Variants in ZNF680 observed in about 807,000 individuals in gnomAD.
ZNF680 encodes zinc finger protein 680, also known as hypothetical protein FLJ90430.
Under a neutral mutation model 12.1 loss-of-function variants are expected in ZNF680, and 6 were observed. The ratio of observed to expected loss-of-function variants is 0.49; its 90% CI spans 0.27 to 0.98. ZNF680 has a LOEUF of 0.98. Ranked by LOEUF, ZNF680 falls within the 50% of genes least tolerant of loss-of-function variation. ZNF680 has a pLI of 0.12. For synonymous variants in ZNF680, 170 were observed against 199.3 expected (o/e 0.85, Z 1.24); for missense variants, 561 against 616.3 (o/e 0.91, Z 0.95).
intron 2 of ZNF680, 152 bp downstream of exon 2, chr7:64,544,154 T>A: frequency 8.2e-7 from 1 of 1,217,624 alleles, no homozygotes; most frequent in Non-Finnish European, 1.1e-6. Flanking sequence ...ACTGAAGGAA[T>A]TTTTTTCTAC....
intron 1 of ZNF680, among the ~76,000 whole-genome samples, chr7:64,562,633 C>A (rs1414113374): frequency 1.3e-5 from 2 of 152,240 alleles, no homozygotes; most frequent in South Asian, 2.1e-4. Flanking sequence ...ATGAACCCTG[C>A]ACCCCGAGTT....
chr7:64,562,992 G>C lies in ZNF680; in HGVS notation c.-38C>G. Reference sequence around the variant, plus strand: ...TCTCCCAATACCTGCAGATAACGGAGTCACAGAGGCTGGGCCTCTAGGAGC... The same window carrying C: ...TCTCCCAATACCTGCAGATAACGGACTCACAGAGGCTGGGCCTCTAGGAGC... On this transcript the variant is annotated 5_prime_UTR_variant, in exon 1 of 4. Coordinates refer to ENST00000309683, the MANE Select transcript of ZNF680 (RefSeq NM_178558.5). 1 of 1,612,404 alleles carries C rather than the reference G, an allele frequency of 6.2e-7. No individual in the cohort carries two copies. The highest frequency in any genetic ancestry group is 1.1e-5 in the South Asian group (1 of 91,038).
the ZNF680 span, chr7:64,501,298 C>A: frequency 9.1e-7 from 1 of 1,093,752 alleles, no homozygotes; most frequent in Non-Finnish European, 1.4e-6. Context: ...GAAACGTCAG[C>A]ATGTTTCAGA....
chr7:64,553,369 T>C (rs1163149893), intron 1 of ZNF680, among the ~76,000 whole-genome samples: 1 of 151,904 alleles, frequency 6.6e-6, no homozygotes, highest in African/African-American at 2.4e-5. Context: ...ATGAGGATAA[T>C]AGCCTTAATA....
chr7:64,503,025 T>A, the ZNF680 span, among the ~76,000 whole-genome samples: 1 of 152,196 alleles, frequency 6.6e-6, no homozygotes, highest in Non-Finnish European at 1.5e-5. Context: ...TCAGTGTGCC[T>A]GTATGACTCT....
the ZNF680 span, chr7:64,501,167 C>T: frequency 2.3e-6 from 2 of 863,910 alleles, no homozygotes; most frequent in Non-Finnish European, 3.9e-6. Flanking sequence ...TCTCCATCGC[C>T]TCTATTCAGC....
chr7:64,509,504 T>C, the ZNF680 span, among the ~76,000 whole-genome samples: 4 of 152,222 alleles, frequency 2.6e-5, no homozygotes, highest in African/African-American at 9.6e-5. Context: ...AGACAGAAAT[T>C]TTATGTATAA....
At chr7:64,506,370 AGT>A in the ZNF680 span, among the ~76,000 whole-genome samples, 4 of 151,912 alleles carry the variant, frequency 2.6e-5, no homozygotes, top group Admixed American at 6.6e-5. Context: ...TCGTATTTTT[AGT>A]AGAGACGGGG....
At position 64,543,719 on chromosome 7, in the gene ZNF680, C is replaced by G. The variant is rs112490324; in HGVS notation, c.241G>C (p.Ala81Pro). 6,240 of 1,613,348 alleles carry G rather than the reference C, an allele frequency of 3.9e-3. 22 individuals carry two copies. The highest frequency in any genetic ancestry group is 8.1e-3 in the Middle Eastern group (49 of 6,060). Reference protein sequence around the residue: ...PWNRKRQEMVAKPPVIYSHFT... With the variant: ...PWNRKRQEMVPKPPVIYSHFT... ...CACTCTCACCTACCTGGGGGTTTGG[C>G]TACCATCTCCTGTCTCTTCCTATTC... The change falls in exon 3 of 4, where the codon GCC (alanine) becomes CCC (proline). Residue 81 changes from alanine (A) to proline (P), a missense_variant. By Grantham distance (27) the Ala-to-Pro change is conservative. Transcript: ENST00000309683.
intron 1 of ZNF680, among the ~76,000 whole-genome samples, chr7:64,556,993 G>A (rs571620399): frequency 6.6e-6 from 1 of 152,354 alleles, no homozygotes; most frequent in African/African-American, 2.4e-5. Context: ...GCTCACGCCT[G>A]TAATCCGAGC....
chr7:64,522,990 G>A (rs749452368), intron 3 of ZNF680, among the ~76,000 whole-genome samples: 1 of 151,644 alleles, frequency 6.6e-6, no homozygotes, highest in African/African-American at 2.4e-5. Context: ...TATTGGCACT[G>A]CAAATTCCCT....
At chr7:64,519,538 C>T (rs1041739055), downstream of ZNF680, among the ~76,000 whole-genome samples, 2 of 151,694 alleles carry the variant, frequency 1.3e-5, no homozygotes, top group Non-Finnish European at 3.0e-5. Context: ...CTTGCACACA[C>T]GTTTATAGTC....
intron 3 of ZNF680, chr7:64,525,889 A>G: frequency 1.0e-6 from 1 of 985,088 alleles, no homozygotes; most frequent in African/African-American, 1.7e-5. Flanking sequence ...TACAAGTCAT[A>G]AAAAGAACAG....
At chr7:64,502,777 CAT>C in the ZNF680 span, among the ~76,000 whole-genome samples, 34,279 of 152,044 alleles carry the variant, frequency 0.23, 4,042 homozygotes, top group South Asian at 0.28. Flanking sequence ...AGGATTGAAT[CAT>C]ATATCCTGAA....
At chr7:64,504,653 A>T in the ZNF680 span, among the ~76,000 whole-genome samples, 2 of 152,222 alleles carry the variant, frequency 1.3e-5, no homozygotes, top group Non-Finnish European at 2.9e-5. Context: ...AGTGCCCAGT[A>T]TTCACCCTGA....
the ZNF680 span, among the ~76,000 whole-genome samples, chr7:64,508,140 T>TATATACACATACATATACATAC: frequency 3.3e-4 from 45 of 134,824 alleles, no homozygotes; most frequent in African/African-American, 1.1e-3. Flanking sequence ...TATATATATA[T>TATATACACATACATATACATAC]ATACATAATT....
At chr7:64,549,961 C>T (rs1003578897) in intron 1 of ZNF680, among the ~76,000 whole-genome samples, 5 of 151,912 alleles carry the variant, frequency 3.3e-5, no homozygotes, top group African/African-American at 9.7e-5. Context: ...CCAGCCTGGG[C>T]GACAAGAACA....
chr7:64,521,140 T>C lies in ZNF680; in HGVS notation c.*21A>G. 3.8e-6 allele frequency: 6 copies of C among 1,577,316 alleles called. No homozygotes were observed. The highest frequency in any genetic ancestry group is 4.3e-6 in the Non-Finnish European group (5 of 1,163,990). On this transcript the variant is annotated 3_prime_UTR_variant, in exon 4 of 4. Coordinates refer to ENST00000309683, the MANE Select transcript of ZNF680 (RefSeq NM_178558.5). ...TTTAGGGTTTCTCAACAGGATGGTG[T>C]CTTTTATGTTTAGAAAAGTTTTAGG...
intron 3 of ZNF680, among the ~76,000 whole-genome samples, chr7:64,527,696 CAAAA>C (rs532949661): frequency 7.5e-6 from 1 of 132,616 alleles, no homozygotes; most frequent in African/African-American, 2.8e-5. Context: ...ACTCTGTCTC[CAAAA>C]AAAAAAAAAG....
Sources: allele counts gnomAD v4.1 joint callset (sites outside exome capture counted in the v4.1 genomes callset), GRCh38; gene constraint gnomAD v4.1.1; transcripts MANE v1.5; gene names NCBI Gene and HGNC (gene_info 2026-07-23, HGNC 2026-07-21).